Variants in TPST2 observed in about 807,000 individuals in gnomAD.
TPST2 encodes tyrosylprotein sulfotransferase 2.
In TPST2, 16 loss-of-function variants were observed where a neutral mutation model predicts 27.8. That is an observed-to-expected ratio of 0.58 (90% CI 0.39 to 0.88). The LOEUF is 0.88. TPST2 is among the 40% of genes least tolerant of loss of function. The pLI is 0.00. For synonymous variants in TPST2, 229 were observed against 231.7 expected (o/e 0.99, Z 0.10); for missense variants, 464 against 543.1 (o/e 0.85, Z 1.45).
At chr22:26,559,017 C>A (rs1926947539) in intron 1 of TPST2, among the ~76,000 whole-genome samples, 2 of 152,196 alleles carry the variant, frequency 1.3e-5, no homozygotes, top group Non-Finnish European at 2.9e-5. Context: ...TAGATTGTTT[C>A]ATAACAGCTT....
Position 26,553,498 on chromosome 22 carries a change from AAGTAGCTGGGACTACAGGC to A in TPST2, c.-160-8842_-160-8824del, listed in dbSNP as rs578124751. On this transcript the variant is annotated intron_variant, in intron 1 of 6. Transcript: ENST00000338754. ...AATGATCTGTCTGCCCCAGCCTGCC[AAGTAGCTGGGACTACAGGC>A]AAGTGCCACCATGCCCAGTTAATTT... is the stretch of plus-strand genomic sequence containing the variant. 8.0e-3 allele frequency among the ~76,000 whole-genome samples: 1,199 copies of A among 149,668 alleles called. 6 individuals are homozygous for A. The highest frequency in any genetic ancestry group is 0.017 in the Middle Eastern group (5 of 288).
intron 1 of TPST2, among the ~76,000 whole-genome samples, chr22:26,546,471 C>T (rs995619613): frequency 6.6e-6 from 1 of 152,222 alleles, no homozygotes; most frequent in Non-Finnish European, 1.5e-5. Context: ...CCTCAGACAG[C>T]TCTTGAAATG....
At chr22:26,586,236 CT>C (rs907915657) in intron 1 of TPST2, among the ~76,000 whole-genome samples, 1 of 151,754 alleles carries the variant, frequency 6.6e-6, no homozygotes, top group African/African-American at 2.4e-5. Flanking sequence ...TTCTTTCTTT[CT>C]TTTTTTAATA....
intron 1 of TPST2, chr22:26,561,013 G>A (rs1330513418): frequency 7.5e-6 from 12 of 1,605,324 alleles, no homozygotes; most frequent in South Asian, 2.2e-5. Flanking sequence ...GCTGCATATC[G>A]AGCTAAAGGA....
At chr22:26,563,010 A>C (rs948912383) in intron 1 of TPST2, among the ~76,000 whole-genome samples, 40 of 152,162 alleles carry the variant, frequency 2.6e-4, no homozygotes, top group Non-Finnish European at 3.5e-4. Flanking sequence ...ACATCTTACA[A>C]TGCCCAGGTA....
chr22:26,543,923 C>G (rs1569182834), intron 2 of TPST2, among the ~76,000 whole-genome samples: 1 of 152,206 alleles, frequency 6.6e-6, no homozygotes, highest in Non-Finnish European at 1.5e-5. Context: ...GAGCTAGGGA[C>G]CCCACTGTGG....
At chr22:26,562,629 C>CT (rs201599919) in intron 1 of TPST2, among the ~76,000 whole-genome samples, 39,763 of 107,910 alleles carry the variant, frequency 0.37, 5,926 homozygotes, top group East Asian at 0.53. Flanking sequence ...CTTTTCTTTT[C>CT]TTTTTTTTTT....
chr22:26,587,927 C>G (rs773486545), intron 1 of TPST2, among the ~76,000 whole-genome samples: 5 of 151,480 alleles, frequency 3.3e-5, no homozygotes, highest in Non-Finnish European at 5.9e-5. Context: ...ACCCCTATCT[C>G]TACAAAATAA....
At chr22:26,540,231 C>A (rs1925717921) in intron 3 of TPST2, among the ~76,000 whole-genome samples, 1 of 152,152 alleles carries the variant, frequency 6.6e-6, no homozygotes, top group Non-Finnish European at 1.5e-5. Context: ...AGGTTTGAAC[C>A]CAGACATCCT....
intron 1 of TPST2, among the ~76,000 whole-genome samples, chr22:26,572,984 T>C (rs1927688884): frequency 6.6e-6 from 1 of 152,160 alleles, no homozygotes; most frequent in African/African-American, 2.4e-5. Flanking sequence ...CTCAGGTAAA[T>C]CACTTAACCT....
At chr22:26,565,914 A>T (rs1441680341) in intron 1 of TPST2, among the ~76,000 whole-genome samples, 1 of 152,080 alleles carries the variant, frequency 6.6e-6, no homozygotes, top group Admixed American at 6.6e-5. Context: ...CTGTACAGAG[A>T]TTTCATAAAA....
In TPST2 at chr22:26,524,693, G is replaced by C. The variant is rs756396456; in HGVS notation, c.*1582C>G. On this transcript the variant is annotated 3_prime_UTR_variant, in exon 7 of 7. Transcript: ENST00000338754. The stretch of plus-strand genomic sequence containing the variant: ...ATGAGATATAAGGCAAGGAGGTATG[G>C]GTAAAACACCTTAACCCTTAAAGAT... 1 of 152,152 alleles carries C rather than the reference G, an allele frequency of 6.6e-6. No homozygotes were observed. The highest frequency in any genetic ancestry group is 1.9e-4 in the East Asian group (1 of 5,196). The allele number at this position is 152,152 out of a possible 1,614,324, so 9.4% of individuals were successfully genotyped here.
At chr22:26,587,874 C>T (rs1465527970) in intron 1 of TPST2, among the ~76,000 whole-genome samples, 1 of 152,014 alleles carries the variant, frequency 6.6e-6, no homozygotes, top group East Asian at 1.9e-4. Context: ...AGGAGGATCG[C>T]TTGAGACCAG....
chr22:26,574,080 G>A (rs960353504), intron 1 of TPST2, among the ~76,000 whole-genome samples: 7 of 152,118 alleles, frequency 4.6e-5, no homozygotes, highest in African/African-American at 1.4e-4. Context: ...TTTCCTAATG[G>A]TGCAGGGCTT....
Position 26,532,745 on chromosome 22 carries a change from C to T in TPST2, c.1042G>A (p.Val348Ile). Residue 348 changes from valine (V) to isoleucine (I), a missense_variant and splice_region_variant, in exon 5 of 7, where the codon GTC becomes ATC. Val to Ile is a conservative substitution (Grantham distance 29). Coordinates refer to ENST00000338754, the MANE Select transcript of TPST2 (RefSeq NM_003595.5). ...DPFVINNTQR[V>I]LKGDYKTPAN... ...GGTGTTTTATAGTCCCCTTTCAAGA[C>T]CTAAGGAAGAGAAAAAGAAATATCA... 1 of 1,612,414 alleles carries T rather than the reference C, an allele frequency of 6.2e-7. No individual in the cohort carries two copies.
intron 3 of TPST2, among the ~76,000 whole-genome samples, chr22:26,537,806 GCT>G (rs924166083): frequency 2.6e-5 from 4 of 151,810 alleles, no homozygotes; most frequent in African/African-American, 7.3e-5. Context: ...CTGTGCACAC[GCT>G]CTCTCTCTCA....
intron 1 of TPST2, among the ~76,000 whole-genome samples, chr22:26,576,636 G>T (rs1927846222): frequency 6.6e-6 from 1 of 151,994 alleles, no homozygotes; most frequent in African/African-American, 2.4e-5. Flanking sequence ...TGTGGAGGAG[G>T]GGAAGGTAAA....
chr22:26,561,592 T>C (rs1263283110), intron 1 of TPST2, among the ~76,000 whole-genome samples: 2 of 152,240 alleles, frequency 1.3e-5, no homozygotes, highest in Admixed American at 1.3e-4. Context: ...TGAATGCTTC[T>C]AAGTAAATAC....
intron 4 of TPST2, among the ~76,000 whole-genome samples, chr22:26,534,140 G>C (rs1365331125): frequency 6.6e-6 from 1 of 152,058 alleles, no homozygotes; most frequent in Non-Finnish European, 1.5e-5. Context: ...GGCCACACAT[G>C]GCTAGTGGCT....
Sources: gnomAD v4.1 joint callset for allele counts (sites outside exome capture counted in the v4.1 genomes callset) on GRCh38, gnomAD v4.1.1 for gene constraint, MANE v1.5 for transcripts, NCBI Gene and HGNC (gene_info 2026-07-23, HGNC 2026-07-21) for gene names.